PSD2: variants seen among roughly 807,000 people sequenced by gnomAD.
PSD2 encodes the protein PH and SEC7 domain-containing protein 2.
PSD2 carries 38 observed loss-of-function variants against 69.8 expected under a neutral mutation model. The observed-to-expected ratio is 0.54, with a 90% CI of 0.42 to 0.71. The LOEUF (loss-of-function observed/expected upper bound fraction) is 0.71, where lower values mean the gene tolerates loss of function less well. Ranked by LOEUF, PSD2 falls within the 30% of genes least tolerant of loss-of-function variation. The pLI is 0.00. For synonymous variants in PSD2, 412 were observed against 423.0 expected (o/e 0.97, Z 0.32); for missense variants, 943 against 1,014.5 (o/e 0.93, Z 0.96).
the PSD2 span, among the ~76,000 whole-genome samples, chr5:139,776,388 T>C: frequency 1.3e-5 from 2 of 152,148 alleles, no homozygotes; most frequent in Admixed American, 1.3e-4. Context: ...CTGAGAACAT[T>C]GAGCAGAAGG....
intron 7 of PSD2, 103 bp downstream of exon 7, chr5:139,822,887 C>G (rs1760308177): frequency 2.0e-6 from 2 of 1,017,972 alleles, no homozygotes; most frequent in South Asian, 2.0e-5. Context: ...GGCCGGGCTT[C>G]TTTTTGAAGC....
intron 1 of PSD2, among the ~76,000 whole-genome samples, chr5:139,804,341 C>T (rs541417931): frequency 2.0e-5 from 3 of 152,222 alleles, no homozygotes; most frequent in African/African-American, 7.2e-5. Flanking sequence ...GGAGCTCTCT[C>T]CAAGTATCCA....
the PSD2 span, among the ~76,000 whole-genome samples, chr5:139,761,674 T>C: frequency 2.0e-5 from 3 of 152,176 alleles, no homozygotes; most frequent in South Asian, 6.2e-4. Context: ...CCATGACCCT[T>C]GCTTGGAGGA....
intron 7 of PSD2, among the ~76,000 whole-genome samples, chr5:139,829,816 G>A (rs1342214881): frequency 6.6e-6 from 1 of 152,150 alleles, no homozygotes; most frequent in Non-Finnish European, 1.5e-5. Context: ...GTTTTTGTCT[G>A]AATATCTGTT....
At position 139,835,720 on chromosome 5, in the gene PSD2, C is replaced by A. The variant is rs747639695; in HGVS notation, c.1360-3C>A. ...TCCCCCCTCTCTCTTTTCCCTCTCC[C>A]AGACCCTTTACAACTCCATCAAGAA... On this transcript the variant is annotated splice_polypyrimidine_tract_variant and splice_region_variant and intron_variant, in intron 8 of 14. Transcript: ENST00000274710. 1.2e-6 allele frequency: 2 copies of A among 1,614,046 alleles called. No individual in the cohort carries two copies. Among genetic ancestry groups the A allele is most frequent in the Non-Finnish European group, 1.7e-6 (2 of 1,179,920 alleles).
At chr5:139,821,819 C>T in intron 5 of PSD2, 74 bp from the exon 6 acceptor site, 1 of 810,994 alleles carries the variant, frequency 1.2e-6, no homozygotes, top group Non-Finnish European at 2.1e-6. Flanking sequence ...TGGGTGTGTG[C>T]TGTGTGTGTG....
At chr5:139,797,723 G>A (rs1459500670) in intron 1 of PSD2, among the ~76,000 whole-genome samples, 2 of 152,172 alleles carry the variant, frequency 1.3e-5, no homozygotes, top group Non-Finnish European at 2.9e-5. Context: ...TCTTTAGAGG[G>A]AGGCACTACC....
rs200718938 is a variant in PSD2, at chr5:139,835,694, T to G, written c.1360-29T>G. 5.0e-6 allele frequency: 8 copies of G among 1,611,884 alleles called. No individual in the cohort carries two copies. The East Asian group carries it at 1.6e-4, about 31-fold the overall frequency. On this transcript the variant is annotated intron_variant, in intron 8 of 14. Transcript: ENST00000274710. ...GGGTTTCTTTGACCCTTCACCTGAA[T>G]TCCCCCCTCTCTCTTTTCCCTCTCC...
chr5:139,769,556 C>T, the PSD2 span, among the ~76,000 whole-genome samples: 1 of 152,124 alleles, frequency 6.6e-6, no homozygotes, highest in Non-Finnish European at 1.5e-5. Flanking sequence ...CTGAACTGCC[C>T]TCCTGTACTG....
chr5:139,823,254 T>C (rs536474648), intron 7 of PSD2, among the ~76,000 whole-genome samples: 1 of 152,262 alleles, frequency 6.6e-6, no homozygotes, highest in East Asian at 1.9e-4. Flanking sequence ...GCTCAATAAC[T>C]CCTTCTTCTT....
chr5:139,777,682 G>A, the PSD2 span, among the ~76,000 whole-genome samples: 15 of 152,126 alleles, frequency 9.9e-5, no homozygotes, highest in African/African-American at 2.7e-4. Context: ...TCTGGAGTTC[G>A]AGATGAGCCT....
the PSD2 span, among the ~76,000 whole-genome samples, chr5:139,749,047 C>T: frequency 6.6e-6 from 1 of 152,118 alleles, no homozygotes; most frequent in East Asian, 1.9e-4. Flanking sequence ...CCAGTCTCCC[C>T]CTTCGTCTCC....
At chr5:139,788,068 C>G in the PSD2 span, among the ~76,000 whole-genome samples, 1 of 152,284 alleles carries the variant, frequency 6.6e-6, no homozygotes, top group African/African-American at 2.4e-5. Context: ...TGCGGGCGAG[C>G]GGGGCTGCGC....
the PSD2 span, among the ~76,000 whole-genome samples, chr5:139,786,449 A>G: frequency 0.2 from 31,015 of 152,214 alleles, 3,519 homozygotes; most frequent in African/African-American, 0.29. Context: ...TAGGGTCAAG[A>G]AAAGGTGGCT....
Position 139,809,746 on chromosome 5 carries a change from C to A in PSD2, c.306C>A (p.Gly102=), listed in dbSNP as rs35562788. ...DSAESRPWRA[G]VLAEGDNASR... Reference sequence around the variant, plus strand: ...CGGAGTCCAGGCCCTGGAGGGCTGGCGTGCTGGCAGAGGGGGACAATGCTT... The same window carrying A: ...CGGAGTCCAGGCCCTGGAGGGCTGGAGTGCTGGCAGAGGGGGACAATGCTT... The change falls in exon 2 of 15, where the codon GGC becomes GGA. Residue 102 remains glycine, a synonymous_variant. Coordinates refer to ENST00000274710, the MANE Select transcript of PSD2 (RefSeq NM_032289.4). 6.2e-7 allele frequency: 1 copy of A among 1,614,162 alleles called. No homozygotes were observed. The highest frequency in any genetic ancestry group is 8.5e-7 in the Non-Finnish European group (1 of 1,179,990).
In PSD2 at chr5:139,814,454, C is replaced by T; in HGVS notation, c.1016+90C>T. On this transcript the variant is annotated intron_variant, in intron 4 of 14. Coordinates refer to ENST00000274710, the MANE Select transcript of PSD2 (RefSeq NM_032289.4). The surrounding 1 kb of genome is among the most constrained non-coding windows in gnomAD (Gnocchi z 4.4). ...GTGTGGGTGACCTTCTTCAGGGGTGCCAGGTGCTGGGGGGGCACTCCCAAC... is the reference window on the plus strand; with the variant it reads ...GTGTGGGTGACCTTCTTCAGGGGTGTCAGGTGCTGGGGGGGCACTCCCAAC... 1 of 1,249,954 alleles carries T rather than the reference C, an allele frequency of 8.0e-7. No individual in the cohort carries two copies. The highest frequency in any genetic ancestry group is 2.8e-5 in the East Asian group (1 of 35,542). The allele number at this position is 1,249,954 out of a possible 1,614,324, so 77.4% of individuals were successfully genotyped here.
the PSD2 span, among the ~76,000 whole-genome samples, chr5:139,785,330 C>T: frequency 1.3e-5 from 2 of 151,686 alleles, no homozygotes; most frequent in South Asian, 4.2e-4. Flanking sequence ...TTTAAGCAAT[C>T]CTCCTGCCTC....
intron 1 of PSD2, among the ~76,000 whole-genome samples, chr5:139,796,757 AGG>A (rs1339718849): frequency 1.3e-5 from 2 of 152,188 alleles, no homozygotes; most frequent in East Asian, 3.9e-4. Flanking sequence ...GCATAGGCCC[AGG>A]GGGCCACTGT....
At chr5:139,754,488 T>A in the PSD2 span, among the ~76,000 whole-genome samples, 1 of 151,038 alleles carries the variant, frequency 6.6e-6, no homozygotes, top group Non-Finnish European at 1.5e-5. Context: ...AGCTCAGGAG[T>A]TCGAGCTCCA....
Sources: gnomAD v4.1 joint callset for allele counts (sites outside exome capture counted in the v4.1 genomes callset) on GRCh38, gnomAD v4.1.1 for gene constraint, Gnocchi (gnomAD v3.1) non-coding constraint, MANE v1.5 for transcripts, NCBI Gene and HGNC (gene_info 2026-07-23, HGNC 2026-07-21) for gene names.